The following RAG2 variants were observed in gnomAD, a reference collection of about 807,000 sequenced individuals.
RAG2 encodes the protein V(D)J recombination-activating protein 2.
In RAG2, 16 loss-of-function variants were observed where a neutral mutation model predicts 31.8. The ratio of observed to expected loss-of-function variants is 0.50; its 90% CI spans 0.34 to 0.76. RAG2 has a LOEUF of 0.76. Among genes scored for constraint, RAG2 ranks in the 30% least tolerant of loss-of-function variants. The pLI is 0.01. For missense variants in RAG2, 622 were observed against 628.5 expected, an observed-to-expected ratio of 0.99 and a Z score of 0.11; for synonymous variants, 199 against 215.9, an observed-to-expected ratio of 0.92 and a Z score of 0.68.
Position 36,593,098 on chromosome 11 carries a change from T to C in RAG2, c.1071A>G (p.Glu357=). Residue 357 remains glutamate, a synonymous_variant, in exon 2 of 2, where the codon GAA becomes GAG. Transcript: ENST00000311485. Reference sequence around the variant, plus strand: ...GACTGTTTGTGAATGTTGTCTGCTCTTCATTAGTATCATCTTCAGCACATT... The same window carrying C: ...GACTGTTTGTGAATGTTGTCTGCTCCTCATTAGTATCATCTTCAGCACATT... ...MLKCAEDDTN[E]EQTTFTNSQT... is the part of the protein sequence containing the mutation. 1.2e-6 allele frequency: 2 copies of C among 1,614,116 alleles called. No individual in the cohort carries two copies. The highest frequency in any genetic ancestry group is 1.7e-6 in the Non-Finnish European group (2 of 1,179,952).
chr11:36,594,116 C>G lies in RAG2; in HGVS notation c.53G>C (p.Gly18Ala), dbSNP rs1851106893. 6.2e-7 allele frequency: 1 copy of G among 1,614,060 alleles called. No homozygotes were observed. The highest frequency in any genetic ancestry group is 1.1e-5 in the South Asian group (1 of 91,076). Residue 18 changes from glycine (G) to alanine (A), a missense_variant, in exon 2 of 2, where the codon GGC (glycine) becomes GCC (alanine). By Grantham distance (60) the Gly-to-Ala change is moderately conservative. Transcript: ENST00000311485. ...VSNNIALIQPGFSLMNFDGQV... is the reference protein window; with the variant it reads ...VSNNIALIQPAFSLMNFDGQV... ...TCCATCAAAATTCATCAGTGAGAAG[C>G]CTGGCTGAATTAAGGCTATGTTATT...
In RAG2 at chr11:36,592,371, G is replaced by T; in HGVS notation, c.*214C>A. 1 of 617,510 alleles carries T rather than the reference G, an allele frequency of 1.6e-6. No homozygotes were observed. The highest frequency in any genetic ancestry group is 3.0e-5 in the East Asian group (1 of 32,802). 38.3% of individuals were successfully genotyped at this position (617,510 alleles called of 1,614,324 possible). On this transcript the variant is annotated 3_prime_UTR_variant, in exon 2 of 2. Transcript: ENST00000311485. Reference sequence around the variant, plus strand: ...AGTGAAGAATAAATTAGTAAATTGAGTATTTGGGTAAAATATTTTCAAAAT... The same window carrying T: ...AGTGAAGAATAAATTAGTAAATTGATTATTTGGGTAAAATATTTTCAAAAT...
chr11:36,596,114 T>G (rs1851218767), intron 1 of RAG2, among the ~76,000 whole-genome samples: 1 of 152,192 alleles, frequency 6.6e-6, no homozygotes, highest in Non-Finnish European at 1.5e-5. Context: ...TCAATAAATG[T>G]TAATTGATAC....
Position 36,592,055 on chromosome 11 carries a change from T to G in RAG2, c.*530A>C, listed in dbSNP as rs1236405183. The G allele has an allele frequency of 6.3e-6, 1 of 159,548 alleles. No individual in the cohort carries two copies. The highest frequency in any genetic ancestry group is 1.4e-5 in the Non-Finnish European group (1 of 72,808). 9.9% of individuals were successfully genotyped at this position (159,548 alleles called of 1,614,324 possible). A position where few individuals can be genotyped will look rare whatever the true frequency, so the allele number is the denominator to read the frequency against. On this transcript the variant is annotated 3_prime_UTR_variant, in exon 2 of 2. Coordinates refer to ENST00000311485, the MANE Select transcript of RAG2 (RefSeq NM_000536.4). ...TCTGTAAAGCTATGAGAAACTAACT[T>G]GTTCATGGGCATAATCCAAAGGGTT...
chr11:36,592,230 CT>C lies in RAG2; in HGVS notation c.*354del. The C allele has an allele frequency of 3.9e-6, 1 of 257,070 alleles. No individual in the cohort carries two copies. The highest frequency in any genetic ancestry group is 4.6e-5 in the South Asian group (1 of 21,704). 15.9% of individuals were successfully genotyped at this position (257,070 alleles called of 1,614,324 possible). A position where few individuals can be genotyped will look rare whatever the true frequency, so the allele number is the denominator to read the frequency against. ...TTATTGGCTAAATTTGTCATAAACA[CT>C]TTATAGGTTATTTGTTACCAAGACT... On this transcript the variant is annotated 3_prime_UTR_variant, in exon 2 of 2. Coordinates refer to ENST00000311485, the MANE Select transcript of RAG2 (RefSeq NM_000536.4).
chr11:36,592,081 G>C lies in RAG2; in HGVS notation c.*504C>G, dbSNP rs186462541. ...GTTCATGGGCATAATCCAAAGGGTT[G>C]CTTGAAGGTATATAAAGAACACTAA... On this transcript the variant is annotated 3_prime_UTR_variant, in exon 2 of 2. Coordinates refer to ENST00000311485, the MANE Select transcript of RAG2 (RefSeq NM_000536.4). The C allele has an allele frequency of 2.4e-5, 4 of 168,558 alleles. No homozygotes were observed. Among genetic ancestry groups the C allele is most frequent in the African/African-American group, 9.6e-5 (4 of 41,644 alleles). The allele number at this position is 168,558 out of a possible 1,614,324, so 10.4% of individuals were successfully genotyped here.
In RAG2 at chr11:36,598,235, G is replaced by A. The variant is rs1175987647; in HGVS notation, c.-161C>T. On this transcript the variant is annotated 5_prime_UTR_variant, in exon 1 of 2. Coordinates refer to ENST00000311485, the MANE Select transcript of RAG2 (RefSeq NM_000536.4). ...AAGCAGAAGGCTGACTGTAAAGAGAGTGTGTATGTGTGCCTACAGATGTTC... is the reference window on the plus strand; with the variant it reads ...AAGCAGAAGGCTGACTGTAAAGAGAATGTGTATGTGTGCCTACAGATGTTC... 6.6e-6 allele frequency: 1 copy of A among 152,008 alleles called. No individual in the cohort carries two copies. The highest frequency in any genetic ancestry group is 6.6e-5 in the Admixed American group (1 of 15,258). 9.4% of individuals were successfully genotyped at this position (152,008 alleles called of 1,614,324 possible).
rs1445982380 is a variant in RAG2, at chr11:36,592,500, A to G, written c.*85T>C. On this transcript the variant is annotated 3_prime_UTR_variant, in exon 2 of 2. Coordinates refer to ENST00000311485, the MANE Select transcript of RAG2 (RefSeq NM_000536.4). ...AAAACATAGGCATTTTAAATAAACA[A>G]AAATGTATTTTTAAAATCAATGTTA... 2 of 1,502,372 alleles carry G rather than the reference A, an allele frequency of 1.3e-6. No individual in the cohort carries two copies. Among genetic ancestry groups the G allele is most frequent in the Middle Eastern group, 2.3e-4 (1 of 4,290 alleles). The allele number at this position is 1,502,372 out of a possible 1,614,324, so 93.1% of individuals were successfully genotyped here.
chr11:36,596,246 G>T lies in RAG2; in HGVS notation c.-28+1856C>A, dbSNP rs183088344. 7.3e-3 allele frequency among the ~76,000 whole-genome samples: 718 copies of T among 99,006 alleles called. 5 individuals carry two copies. Among genetic ancestry groups the T allele is most frequent in the Admixed American group, 8.6e-3 (71 of 8,264 alleles). The allele number at this position is 99,006 out of a possible 152,430, so 65.0% of individuals were successfully genotyped here. On this transcript the variant is annotated intron_variant, in intron 1 of 1. Transcript: ENST00000311485. ...TGTTTTTTTTTTTTTTTGCTTTAAA[G>T]AACTTCTGTAGATCAGCTGTAATTT...
intron 1 of RAG2, among the ~76,000 whole-genome samples, chr11:36,596,917 T>C (rs1305610461): frequency 6.6e-6 from 1 of 152,188 alleles, no homozygotes; most frequent in South Asian, 2.1e-4. Flanking sequence ...AGGAGGATTG[T>C]CCATTTTTGT....
At chr11:36,597,058 T>C (rs1851297930) in intron 1 of RAG2, among the ~76,000 whole-genome samples, 1 of 152,228 alleles carries the variant, frequency 6.6e-6, no homozygotes, top group Non-Finnish European at 1.5e-5. Flanking sequence ...ATTGCTAAGA[T>C]GAATTACCTC....
At position 36,594,041 on chromosome 11, in the gene RAG2, G is replaced by A; in HGVS notation, c.128C>T (p.Thr43Ile). The part of the protein sequence containing the change: ...QKGWPKRSCP[T>I]GVFHLDVKHN... The stretch of plus-strand genomic sequence containing the variant: ...CTTTACATCCAGATGGAAAACTCCA[G>A]TGGGGCAGGATCTTTTGGGCCAGCC... The change falls in exon 2 of 2, where the codon ACT (threonine) becomes ATT (isoleucine). Residue 43 changes from threonine to isoleucine, a missense_variant. By Grantham distance (89) the Thr-to-Ile change is moderately conservative. Transcript: ENST00000311485. 1.2e-6 allele frequency: 2 copies of A among 1,614,156 alleles called. No individual in the cohort carries two copies. Among genetic ancestry groups the A allele is most frequent in the Non-Finnish European group, 1.7e-6 (2 of 1,180,004 alleles).
chr11:36,593,186 A>G lies in RAG2; in HGVS notation c.983T>C (p.Phe328Ser), dbSNP rs1851066103. The G allele has an allele frequency of 6.8e-6, 11 of 1,614,222 alleles. No individual in the cohort carries two copies. Among genetic ancestry groups the G allele is most frequent in the Non-Finnish European group, 7.6e-6 (9 of 1,180,046 alleles). ...TTTATTGTCTCCTGGTATGCCAAGA[A>G]AAACAGTTCCATTTCCCATGTTGCT... ...FGSNMGNGTV[F>S]LGIPGDNKQV... is the part of the protein sequence containing the mutation. Residue 328 changes from phenylalanine to serine, a missense_variant, in exon 2 of 2, where the codon TTT becomes TCT. Transcript: ENST00000311485.
At chr11:36,596,828 C>T (rs1378370503) in intron 1 of RAG2, among the ~76,000 whole-genome samples, 2 of 152,092 alleles carry the variant, frequency 1.3e-5, no homozygotes, top group Non-Finnish European at 2.9e-5. Flanking sequence ...TTTAAGGTTG[C>T]TGTAGGAATT....
chr11:36,594,219 G>A (rs1334896423), intron 1 of RAG2, 24 bp from the exon 2 acceptor site: 2 of 1,381,756 alleles, frequency 1.4e-6, no homozygotes, highest in South Asian at 2.3e-5. Flanking sequence ...AAAATAAAAT[G>A]ACTTAGAGAT....
downstream of RAG2, among the ~76,000 whole-genome samples, chr11:36,591,145 A>G (rs959018336): frequency 6.6e-6 from 1 of 152,182 alleles, no homozygotes; most frequent in Non-Finnish European, 1.5e-5. Flanking sequence ...ATCAATGTGC[A>G]ACAATTGTTC....
At position 36,592,211 on chromosome 11, in the gene RAG2, G is replaced by T; in HGVS notation, c.*374C>A. 4.6e-6 allele frequency: 1 copy of T among 216,878 alleles called. No individual in the cohort carries two copies. Among genetic ancestry groups the T allele is most frequent in the Non-Finnish European group, 9.3e-6 (1 of 107,788 alleles). 13.4% of individuals were successfully genotyped at this position (216,878 alleles called of 1,614,324 possible). A position where few individuals can be genotyped will look rare whatever the true frequency, so the allele number is the denominator to read the frequency against. ...CTTTTGGGTGTTAATTTCTTTATTG[G>T]CTAAATTTGTCATAAACACTTTATA... is the stretch of plus-strand genomic sequence containing the variant. On this transcript the variant is annotated 3_prime_UTR_variant, in exon 2 of 2. Transcript: ENST00000311485.
In RAG2 at chr11:36,591,968, T is replaced by C. The variant is rs889942811; in HGVS notation, c.*617A>G. The C allele has an allele frequency of 1.3e-5, 2 of 152,196 alleles. No individual in the cohort carries two copies. The highest frequency in any genetic ancestry group is 4.8e-5 in the African/African-American group (2 of 41,450). 9.4% of individuals were successfully genotyped at this position (152,196 alleles called of 1,614,324 possible). ...TTGATGTAGATTATTTATTTCTTCT[T>C]TTGTGTCAGTGGAGAACATTATCTA... On this transcript the variant is annotated 3_prime_UTR_variant, in exon 2 of 2. Transcript: ENST00000311485.
Position 36,593,874 on chromosome 11 carries a change from G to A in RAG2, c.295C>T (p.Pro99Ser). The change falls in exon 2 of 2, where the codon CCA becomes TCA. Residue 99 changes from proline to serine, a missense_variant. Physicochemically the swap from Pro to Ser is moderately conservative, Grantham distance 74. Transcript: ENST00000311485. ...ATCTTATCTGAAACCTCATTGTTTG[G>A]TGTTTTCCCTCCATGGATGATGTAT... The part of the protein sequence containing the change: ...HQYIIHGGKT[P>S]NNEVSDKIYV... 6.2e-7 allele frequency: 1 copy of A among 1,614,120 alleles called. No individual in the cohort carries two copies. Among genetic ancestry groups the A allele is most frequent in the Non-Finnish European group, 8.5e-7 (1 of 1,180,028 alleles).
Sources: allele counts gnomAD v4.1 joint callset (sites outside exome capture counted in the v4.1 genomes callset), GRCh38; gene constraint gnomAD v4.1.1; transcripts MANE v1.5; gene names NCBI Gene and HGNC (gene_info 2026-07-23, HGNC 2026-07-21).